DDX24: variants seen among roughly 807,000 people sequenced by gnomAD.
The protein encoded by DDX24 is ATP-dependent RNA helicase DDX24.
DDX24 carries 24 observed loss-of-function variants against 68.9 expected under a neutral mutation model. That is an observed-to-expected ratio of 0.35 (90% CI 0.25 to 0.49). The LOEUF is 0.49. DDX24 is among the 20% of genes least tolerant of loss of function. The pLI is 0.99. For missense variants in DDX24, 989 were observed against 1,039.0 expected (o/e 0.95, Z 0.66); for synonymous variants, 395 against 385.2 (o/e 1.03, Z -0.30).
rs2141426965 is a variant in DDX24 at position 94,062,248 on chromosome 14, C to A, written c.1092G>T (p.Glu364Asp). The change falls in exon 3 of 9, where the codon GAG becomes GAT. Residue 364 changes from glutamate to aspartate, a missense_variant. Around this residue, in one of 3 missense-constraint regions of DDX24, gnomAD observed 691 missense variants for 760.0 expected, o/e 0.91. Coordinates refer to ENST00000621632, the MANE Select transcript of DDX24 (RefSeq NM_020414.4). ...ACTCCTGTTTTAGATTTCCAGTCTG[C>A]TCTTTATCAAGATTTTCCTCCTCAT... is the stretch of plus-strand genomic sequence containing the variant. ...NENEEENLDK[E>D]QTGNLKQELD... 6.2e-7 allele frequency: 1 copy of A among 1,614,098 alleles called. No individual in the cohort carries two copies. Among genetic ancestry groups the A allele is most frequent in the Non-Finnish European group, 8.5e-7 (1 of 1,180,014 alleles).
intron 3 of DDX24, 35 bp from the exon 4 acceptor site, chr14:94,061,101 A>G (rs373382458): frequency 5.9e-5 from 95 of 1,607,840 alleles, no homozygotes; most frequent in Admixed American, 4.2e-4. Flanking sequence ...CACTTATTCA[A>G]TCTGGGTGAT....
intron 8 of DDX24, 47 bp downstream of exon 8, chr14:94,052,951 A>C: frequency 6.3e-7 from 1 of 1,578,006 alleles, no homozygotes; most frequent in South Asian, 1.1e-5. Flanking sequence ...GCAAAAGTTA[A>C]AGAGAGATTT....
At chr14:94,053,301 A>G in intron 7 of DDX24, 174 bp from the exon 8 acceptor site, 3 of 639,640 alleles carry the variant, frequency 4.7e-6, no homozygotes, top group Non-Finnish European at 7.3e-6. Flanking sequence ...GGATCAAGCA[A>G]TCCTCCCACC....
Position 94,055,174 on chromosome 14 carries a change from G to A in DDX24, c.2000C>T (p.Thr667Ile), listed in dbSNP as rs1388783409. ...QHVIHYQVPR[T>I]SEIYVHRSGR... ...ACTTCGGTGGACATAAATCTCCGAG[G>A]TACGTGGGACCTGCCACAGGAAGAA... Residue 667 changes from threonine (T) to isoleucine (I), a missense_variant, in exon 7 of 9, where the codon ACC (threonine) becomes ATC (isoleucine). This residue lies in a region of DDX24 where 691 missense variants were observed against 760.0 expected (regional missense o/e 0.91). Transcript: ENST00000621632. 1.2e-6 allele frequency: 2 copies of A among 1,612,964 alleles called. No individual in the cohort carries two copies. The highest frequency in any genetic ancestry group is 1.7e-6 in the Non-Finnish European group (2 of 1,179,176).
intron 5 of DDX24, 100 bp downstream of exon 5, chr14:94,059,998 A>G (rs1272890769): frequency 7.1e-6 from 10 of 1,410,038 alleles, no homozygotes; most frequent in African/African-American, 1.4e-5. Context: ...CAAGGCCCCT[A>G]TGACAGAAGG....
chr14:94,060,715 T>C, intron 4 of DDX24, 102 bp from the exon 5 acceptor site: 3 of 1,381,836 alleles, frequency 2.2e-6, no homozygotes, highest in Non-Finnish European at 3.0e-6. Flanking sequence ...CACACACACG[T>C]ACACACCCCA....
rs932948294 is a variant in DDX24, at chr14:94,054,816, C to G, written c.2178+180G>C. ...ATGCCTCCCACCTTCAGTCACTCCC[C>G]TTTTCTCCCTTTTCCCAGGTATGTT... On this transcript the variant is annotated intron_variant, in intron 7 of 8. Transcript: ENST00000621632. Among the ~76,000 whole-genome samples the G allele has an allele frequency of 2.0e-5, 3 of 152,200 alleles. 1 individual carries two copies. The highest frequency in any genetic ancestry group is 1.9e-4 in the East Asian group (1 of 5,202).
At chr14:94,060,823 C>T (rs3748329) in intron 4 of DDX24, 90 bp downstream of exon 4, 24,974 of 1,547,176 alleles carry the variant, frequency 0.016, 1,276 homozygotes, top group African/African-American at 0.15. Flanking sequence ...TAGCATTCTG[C>T]GATGAGAAGA....
chr14:94,069,671 G>A (rs1335556243), intron 2 of DDX24, among the ~76,000 whole-genome samples: 1 of 152,216 alleles, frequency 6.6e-6, no homozygotes, highest in East Asian at 1.9e-4. Context: ...CCATGATCAA[G>A]TGGGTTTCAT....
intron 6 of DDX24, chr14:94,056,896 G>C (rs923205043): frequency 1.3e-5 from 2 of 152,146 alleles, no homozygotes; most frequent in East Asian, 1.9e-4. Context: ...GTTGTGAAGT[G>C]AGAGAATGGG....
intron 2 of DDX24, among the ~76,000 whole-genome samples, chr14:94,068,414 G>A (rs971183860): frequency 2.0e-5 from 3 of 152,162 alleles, no homozygotes; most frequent in African/African-American, 7.2e-5. Context: ...CAATAATAGT[G>A]GGGGACTTCA....
intron 3 of DDX24, among the ~76,000 whole-genome samples, chr14:94,061,832 TA>T (rs1298396680): frequency 1.3e-5 from 2 of 152,186 alleles, no homozygotes; most frequent in African/African-American, 4.8e-5. Flanking sequence ...ACTTTATTTA[TA>T]AAACCAGACA....
chr14:94,065,626 C>G (rs780892012), intron 2 of DDX24, among the ~76,000 whole-genome samples: 40 of 152,186 alleles, frequency 2.6e-4, no homozygotes, highest in Non-Finnish European at 5.0e-4. Flanking sequence ...CACAGACCCT[C>G]TGAAGGAACT....
intron 2 of DDX24, among the ~76,000 whole-genome samples, chr14:94,076,433 A>G (rs1885941548): frequency 6.6e-6 from 1 of 152,184 alleles, no homozygotes; most frequent in African/African-American, 2.4e-5. Flanking sequence ...CTGTAATCCC[A>G]GCACTTTGGG....
intron 4 of DDX24, 120 bp from the exon 5 acceptor site, chr14:94,060,733 C>T: frequency 6.8e-7 from 1 of 1,466,918 alleles, no homozygotes; most frequent in South Asian, 1.3e-5. Flanking sequence ...CCACTACCAC[C>T]ACCACCATCA....
chr14:94,064,891 G>C (rs1204394059), intron 2 of DDX24, among the ~76,000 whole-genome samples: 1 of 152,156 alleles, frequency 6.6e-6, no homozygotes, highest in African/African-American at 2.4e-5. Context: ...TTGTGGGACT[G>C]AGCCCTTAAC....
At chr14:94,062,924 C>T (rs1019357453) in intron 2 of DDX24, among the ~76,000 whole-genome samples, 1 of 152,196 alleles carries the variant, frequency 6.6e-6, no homozygotes, top group Admixed American at 6.5e-5. Context: ...TGTGTTGTTT[C>T]TGTGAGGAGC....
chr14:94,076,912 C>G (rs1022332279), intron 2 of DDX24, among the ~76,000 whole-genome samples: 9 of 152,268 alleles, frequency 5.9e-5, no homozygotes, highest in African/African-American at 2.2e-4. Flanking sequence ...CACCCTGAGA[C>G]AGCAAGACCA....
chr14:94,055,376 AC>A (rs1459814810), intron 6 of DDX24, 192 bp from the exon 7 acceptor site: 1 of 611,104 alleles, frequency 1.6e-6, no homozygotes, highest in Non-Finnish European at 2.8e-6. Context: ...TAGCCCATTC[AC>A]TGTGTAGGCT....
Sources: allele counts gnomAD v4.1 joint callset (sites outside exome capture counted in the v4.1 genomes callset), GRCh38; gene constraint gnomAD v4.1.1; regional missense constraint gnomAD v4.1.1; transcripts MANE v1.5; gene names NCBI Gene and HGNC (gene_info 2026-07-23, HGNC 2026-07-21).